The following DMD variants were observed in gnomAD, a reference collection of about 807,000 sequenced individuals.
DMD encodes mutant dystrophin.
DMD carries 63 observed loss-of-function variants against 330.1 expected under a neutral mutation model. The observed-to-expected ratio is 0.19, with a 90% CI of 0.16 to 0.24. The LOEUF (loss-of-function observed/expected upper bound fraction) is 0.24, where lower values mean the gene tolerates loss of function less well. Ranked by LOEUF, DMD falls within the 10% of genes least tolerant of loss-of-function variation. The probability of loss-of-function intolerance (pLI) is 1.00; values close to 1 mark genes in which losing one functional copy is unlikely to be tolerated. For missense variants in DMD, 3,344 were observed against 2,684.1 expected (o/e 1.25, Z -5.43); for synonymous variants, 1,223 against 959.8 (o/e 1.27, Z -5.07).
intron 41 of DMD, among the ~76,000 whole-genome samples, chrX:32,322,188 A>T (rs2097620151): frequency 9.0e-6 from 1 of 111,728 alleles, no homozygotes; most frequent in African/African-American, 3.3e-5. Flanking sequence ...TGTAATAATT[A>T]AAACAATCAT....
At chrX:32,702,679 G>T (rs2064242149) in intron 7 of DMD, among the ~76,000 whole-genome samples, 1 of 111,251 alleles carries the variant, frequency 9.0e-6, no homozygotes, top group Admixed American at 9.6e-5. Context: ...GAAATAGGAG[G>T]CTAGGACCAT....
chrX:33,126,627 A>G (rs777094648), intron 1 of DMD, among the ~76,000 whole-genome samples: 2 of 112,253 alleles, frequency 1.8e-5, no homozygotes, highest in African/African-American at 6.5e-5. Context: ...AAACAAATAC[A>G]TAAATCAAGG....
chrX:32,104,050 G>A (rs148309867), intron 44 of DMD, among the ~76,000 whole-genome samples: 8,411 of 110,598 alleles, frequency 0.076, 286 homozygotes, highest in African/African-American at 0.14. Flanking sequence ...GCTTGGGAGT[G>A]GGGGAGTGGG....
chrX:31,261,835 A>G (rs1169833687), intron 62 of DMD: 1 of 112,365 alleles, frequency 8.9e-6, no homozygotes, highest in Non-Finnish European at 1.9e-5. Flanking sequence ...ATCTACATAA[A>G]TCACCATAGC....
At chrX:31,434,465 C>T (rs910725961) in intron 60 of DMD, among the ~76,000 whole-genome samples, 1 of 99,990 alleles carries the variant, frequency 1.0e-5, no homozygotes, top group Non-Finnish European at 2.0e-5. Flanking sequence ...CACACACACA[C>T]ACACACACAT....
At chrX:32,239,428 CT>C (rs2097199950) in intron 43 of DMD, among the ~76,000 whole-genome samples, 1 of 111,820 alleles carries the variant, frequency 8.9e-6, no homozygotes, top group East Asian at 2.8e-4. Context: ...CCCGTATACT[CT>C]CTGGCCCCCT....
At chrX:32,433,603 G>A (rs147251626) in intron 29 of DMD, among the ~76,000 whole-genome samples, 1,129 of 111,215 alleles carry the variant, frequency 0.01, 13 homozygotes, top group African/African-American at 0.034. Context: ...GCTTGAACCC[G>A]GGAGGAGGAG....
chrX:31,727,575 T>G (rs1221056893), intron 52 of DMD, among the ~76,000 whole-genome samples: 1 of 112,051 alleles, frequency 8.9e-6, no homozygotes, highest in East Asian at 2.8e-4. Flanking sequence ...CATATGAGTC[T>G]TATGCTCTGG....
chrX:32,054,086 TGTGAGAGAGAGAGA>T (rs1283282039), intron 44 of DMD, among the ~76,000 whole-genome samples: 121 of 79,011 alleles, frequency 1.5e-3, no homozygotes, highest in African/African-American at 5.5e-3. Context: ...TGTGTGTGTG[TGTGAGAGAGAGAGA>T]GAGAGAGAGA....
chrX:32,453,635 T>C (rs2098342826), intron 26 of DMD, among the ~76,000 whole-genome samples: 1 of 110,832 alleles, frequency 9.0e-6, no homozygotes, highest in Non-Finnish European at 1.9e-5. Context: ...CTAGGCATTG[T>C]GTTAGAAATT....
At chrX:32,758,132 G>A (rs1046289717) in intron 7 of DMD, among the ~76,000 whole-genome samples, 8 of 111,545 alleles carry the variant, frequency 7.2e-5, no homozygotes, top group Non-Finnish European at 1.3e-4. Context: ...ACTTTTCCAG[G>A]TCCCACATGT....
Position 31,539,968 on chromosome X carries a change from GA to G in DMD, c.8218-32516del, listed in dbSNP as rs2073697086. Among the ~76,000 whole-genome samples, 3 of 111,500 alleles carry G rather than the reference GA, an allele frequency of 2.7e-5. 1 individual carries two copies. In the South Asian group the frequency reaches 1.1e-3, roughly 42 times the overall value. On this transcript the variant is annotated intron_variant, in intron 55 of 78. Transcript: ENST00000357033. ...AGTACAAGGAACTTCTTAGGGGTGG[GA>G]GGGGTAGCCGATGACCCCAAATTTT...
intron 44 of DMD, among the ~76,000 whole-genome samples, chrX:32,180,003 A>G (rs955373192): frequency 6.2e-5 from 7 of 112,010 alleles, no homozygotes; most frequent in African/African-American, 2.3e-4. Flanking sequence ...CAGTAGGAAA[A>G]TGAACTAATA....
chrX:32,403,280 T>A (rs747103953), intron 30 of DMD, among the ~76,000 whole-genome samples: 2 of 111,682 alleles, frequency 1.8e-5, no homozygotes, highest in Non-Finnish European at 3.8e-5. Context: ...TAGGATAAAT[T>A]TGGATCACTT....
intron 44 of DMD, among the ~76,000 whole-genome samples, chrX:32,082,975 C>T (rs2096405063): frequency 8.9e-6 from 1 of 111,808 alleles, no homozygotes; most frequent in Admixed American, 9.5e-5. Context: ...AAGCAAGGGT[C>T]ATTCTGTTCC....
intron 16 of DMD, 108 bp from the exon 17 acceptor site, chrX:32,545,442 G>A: frequency 9.9e-6 from 8 of 805,106 alleles, no homozygotes; most frequent in Non-Finnish European, 1.1e-5. Flanking sequence ...CTTGTTGGTA[G>A]ATTGACCTTC....
chrX:32,268,828 G>A (rs1257100801), intron 43 of DMD, among the ~76,000 whole-genome samples: 3 of 111,016 alleles, frequency 2.7e-5, no homozygotes, highest in Non-Finnish European at 5.7e-5. Flanking sequence ...GAGAGTGAGT[G>A]TAATGGGATA....
At chrX:32,834,649 A>G (rs1334262057) in intron 4 of DMD, among the ~76,000 whole-genome samples, 6 of 111,659 alleles carry the variant, frequency 5.4e-5, no homozygotes, top group Non-Finnish European at 9.4e-5. Flanking sequence ...TTTAATGTAT[A>G]GCAATGACTA....
intron 7 of DMD, among the ~76,000 whole-genome samples, chrX:32,742,438 G>A (rs779105520): frequency 1.8e-5 from 2 of 111,633 alleles, no homozygotes; most frequent in East Asian, 2.8e-4. Context: ...GCTGGTGGAA[G>A]TGAAAATATT....
Sources: gnomAD v4.1 joint callset for allele counts (sites outside exome capture counted in the v4.1 genomes callset) on GRCh38, gnomAD v4.1.1 for gene constraint, MANE v1.5 for transcripts, NCBI Gene and HGNC (gene_info 2026-07-23, HGNC 2026-07-21) for gene names.